STK3: variants seen among roughly 807,000 people sequenced by gnomAD.
STK3 encodes serine/threonine kinase 3, also known as serine/threonine-protein kinase 3.
Under a neutral mutation model 58.0 loss-of-function variants are expected in STK3, and 41 were observed. The ratio of observed to expected loss-of-function variants is 0.71; its 90% CI spans 0.55 to 0.92. The LOEUF is 0.92. STK3 is among the 40% of genes least tolerant of loss of function. STK3 has a pLI of 0.00. For missense variants in STK3, 479 were observed against 602.7 expected, an observed-to-expected ratio of 0.79 and a Z score of 2.15; for synonymous variants, 170 against 191.0, an observed-to-expected ratio of 0.89 and a Z score of 0.91.
intron 6 of STK3, among the ~76,000 whole-genome samples, chr8:98,648,151 C>A (rs1820549471): frequency 6.6e-6 from 1 of 152,292 alleles, no homozygotes; most frequent in Admixed American, 6.5e-5. Context: ...CCTTAAATAA[C>A]CACGTACAAA....
At chr8:98,533,311 G>A (rs1388573211) in intron 9 of STK3, among the ~76,000 whole-genome samples, 1 of 152,072 alleles carries the variant, frequency 6.6e-6, no homozygotes, top group Non-Finnish European at 1.5e-5. Flanking sequence ...TATCTATCCA[G>A]AGGCCTTTTT....
At chr8:98,604,599 GC>G (rs1445851145) in intron 6 of STK3, among the ~76,000 whole-genome samples, 3 of 152,156 alleles carry the variant, frequency 2.0e-5, no homozygotes, top group South Asian at 4.1e-4. Context: ...GCAGACTTCT[GC>G]CTGGACATTC....
intron 6 of STK3, among the ~76,000 whole-genome samples, chr8:98,679,002 T>C (rs1048103046): frequency 6.6e-6 from 1 of 152,216 alleles, no homozygotes; most frequent in Admixed American, 6.5e-5. Context: ...GCATTGTCAG[T>C]GCTCTCATAT....
At chr8:98,801,570 A>T (rs1284338562) in intron 1 of STK3, among the ~76,000 whole-genome samples, 1 of 152,064 alleles carries the variant, frequency 6.6e-6, no homozygotes, top group Non-Finnish European at 1.5e-5. Flanking sequence ...CTGCTTTAAG[A>T]GCTGTAACAG....
At chr8:98,778,087 C>T (rs540145787) in intron 1 of STK3, among the ~76,000 whole-genome samples, 8 of 152,194 alleles carry the variant, frequency 5.3e-5, no homozygotes, top group African/African-American at 1.4e-4. Flanking sequence ...TCAGAGTGAA[C>T]AGGCAACCTA....
intron 1 of STK3, among the ~76,000 whole-genome samples, chr8:98,789,982 C>T (rs926708231): frequency 5.5e-5 from 8 of 146,524 alleles, no homozygotes; most frequent in African/African-American, 1.8e-4. Flanking sequence ...GAGGCGAAAT[C>T]GCGCCATTGC....
At chr8:98,897,981 A>T (rs1359074415) in intron 1 of STK3, among the ~76,000 whole-genome samples, 1 of 152,224 alleles carries the variant, frequency 6.6e-6, no homozygotes, top group African/African-American at 2.4e-5. Flanking sequence ...GAGCACTGCT[A>T]ACTAGTCATG....
chr8:98,541,337 T>A (rs1482796552), intron 9 of STK3, among the ~76,000 whole-genome samples: 1 of 152,002 alleles, frequency 6.6e-6, no homozygotes, highest in East Asian at 1.9e-4. Flanking sequence ...TCTCACAGGA[T>A]CTGGTTGTTT....
At chr8:98,756,840 C>T (rs1317565647) in intron 3 of STK3, among the ~76,000 whole-genome samples, 1 of 152,182 alleles carries the variant, frequency 6.6e-6, no homozygotes, top group African/African-American at 2.4e-5. Flanking sequence ...TATGGTTACA[C>T]TCTAGGGTCA....
At chr8:98,448,917 T>G (rs1819073345) in intron 1 of STK3, among the ~76,000 whole-genome samples, 1 of 152,166 alleles carries the variant, frequency 6.6e-6, no homozygotes, top group South Asian at 2.1e-4. Context: ...ATGAATTGAA[T>G]AGTAAAAATG....
At chr8:98,715,266 G>T (rs1006068258) in intron 4 of STK3, among the ~76,000 whole-genome samples, 1 of 152,138 alleles carries the variant, frequency 6.6e-6, no homozygotes, top group African/African-American at 2.4e-5. Context: ...GGCAACGAAA[G>T]CCAAAATTGA....
chr8:98,602,396 A>ATCT (rs1043535863), intron 6 of STK3: 1 of 152,288 alleles, frequency 6.6e-6, no homozygotes, highest in Non-Finnish European at 1.5e-5. Context: ...GACACATAGA[A>ATCT]GGTGCCTTCT....
At chr8:98,814,895 T>C (rs1348050774) in intron 1 of STK3, among the ~76,000 whole-genome samples, 2 of 152,210 alleles carry the variant, frequency 1.3e-5, no homozygotes, top group African/African-American at 4.8e-5. Context: ...TTGCCCAGGC[T>C]GGTCTTGAAC....
intron 10 of STK3, among the ~76,000 whole-genome samples, chr8:98,497,695 G>T (rs1823243828): frequency 6.6e-6 from 1 of 152,078 alleles, no homozygotes; most frequent in Admixed American, 6.6e-5. Context: ...ACAAAAAGAT[G>T]CTCAACATCA....
chr8:98,587,794 C>T (rs1437054925), intron 7 of STK3, among the ~76,000 whole-genome samples: 3 of 152,078 alleles, frequency 2.0e-5, no homozygotes, highest in Admixed American at 6.6e-5. Flanking sequence ...GTGTTGGGTG[C>T]ATATATATTT....
intron 1 of STK3, among the ~76,000 whole-genome samples, chr8:98,778,197 AC>A (rs1283671233): frequency 6.6e-6 from 1 of 152,162 alleles, no homozygotes; most frequent in Non-Finnish European, 1.5e-5. Context: ...AAAACAAACA[AC>A]CCCATCAAAA....
chr8:98,648,877 C>T (rs959871681), intron 6 of STK3, among the ~76,000 whole-genome samples: 7 of 145,962 alleles, frequency 4.8e-5, no homozygotes, highest in African/African-American at 1.8e-4. Flanking sequence ...GGTGACAGAG[C>T]AAGACTCCGT....
At chr8:98,816,320 C>T (rs181906287) in intron 1 of STK3, among the ~76,000 whole-genome samples, 3 of 152,250 alleles carry the variant, frequency 2.0e-5, no homozygotes, top group Non-Finnish European at 4.4e-5. Flanking sequence ...TCAAGACCAG[C>T]CTAAGCAACA....
intron 3 of STK3, among the ~76,000 whole-genome samples, chr8:98,866,852 C>G (rs1837163896): frequency 6.6e-6 from 1 of 152,130 alleles, no homozygotes; most frequent in Non-Finnish European, 1.5e-5. Context: ...GCCTTCTTGC[C>G]CTTTCTACAC....
Sources: gnomAD v4.1 joint callset for allele counts (sites outside exome capture counted in the v4.1 genomes callset) on GRCh38, gnomAD v4.1.1 for gene constraint, MANE v1.5 for transcripts, NCBI Gene and HGNC (gene_info 2026-07-23, HGNC 2026-07-21) for gene names.